Variants in MYPN observed in about 807,000 individuals in gnomAD.
MYPN encodes sarcomeric protein myopalladin, 145 kDa (MYOP).
In MYPN, 63 loss-of-function variants were observed where a neutral mutation model predicts 129.4. The ratio of observed to expected loss-of-function variants is 0.49; its 90% CI spans 0.40 to 0.60. MYPN has a LOEUF of 0.60. MYPN is among the 20% of genes least tolerant of loss of function. The pLI is 0.00. For missense variants in MYPN, 1,596 were observed against 1,635.4 expected, an observed-to-expected ratio of 0.98 and a Z score of 0.42; for synonymous variants, 629 against 600.9, an observed-to-expected ratio of 1.05 and a Z score of -0.68.
chr10:68,158,056 TTC>T (rs1346309531), intron 6 of MYPN: 1 of 176,924 alleles, frequency 5.7e-6, no homozygotes, highest in Non-Finnish European at 1.2e-5. Context: ...GCTCAGATGA[TTC>T]TGTCTTCAAA....
At chr10:68,096,278 T>A (rs1023633142) in intron 1 of MYPN, among the ~76,000 whole-genome samples, 5 of 152,226 alleles carry the variant, frequency 3.3e-5, no homozygotes. Flanking sequence ...TGTATGTCAG[T>A]TTTCTCATAT....
chr10:68,191,557 G>A (rs566705243), intron 13 of MYPN, among the ~76,000 whole-genome samples: 2 of 152,110 alleles, frequency 1.3e-5, no homozygotes, highest in African/African-American at 4.8e-5. Flanking sequence ...TTGTTGTTTT[G>A]ATAGGGATTG....
chr10:68,102,407 T>C (rs1261931426), upstream of MYPN, among the ~76,000 whole-genome samples: 4 of 152,192 alleles, frequency 2.6e-5, no homozygotes, highest in Non-Finnish European at 5.9e-5. Context: ...GGATTATGGC[T>C]GTGAGCCACT....
chr10:68,193,797 GCACACA>G (rs368376657), intron 13 of MYPN, among the ~76,000 whole-genome samples: 3,662 of 127,622 alleles, frequency 0.029, 100 homozygotes, highest in African/African-American at 0.075. Context: ...ATGTGTATGT[GCACACA>G]CACACACACA....
At chr10:68,162,273 T>G (rs1367476308) in intron 8 of MYPN, 1 of 151,774 alleles carries the variant, frequency 6.6e-6, no homozygotes, top group Non-Finnish European at 1.5e-5. Flanking sequence ...ATACCTCACA[T>G]GAATGCAGCT....
chr10:68,147,513 C>T (rs1407706805), intron 4 of MYPN, among the ~76,000 whole-genome samples: 1 of 152,154 alleles, frequency 6.6e-6, no homozygotes, highest in South Asian at 2.1e-4. Flanking sequence ...AGAGATATAA[C>T]ACCTAGACCA....
chr10:68,093,104 T>C (rs959401160), intron 1 of MYPN, among the ~76,000 whole-genome samples: 1 of 152,108 alleles, frequency 6.6e-6, no homozygotes, highest in Non-Finnish European at 1.5e-5. Flanking sequence ...CCATGAACCC[T>C]TGAGCTCAAG....
At position 68,194,389 on chromosome 10, in the gene MYPN, G is replaced by C; in HGVS notation, c.2952G>C (p.Gln984His). The change falls in exon 14 of 20, where the codon CAG becomes CAC. Residue 984 changes from glutamine (Q) to histidine (H), a missense_variant. Coordinates refer to ENST00000358913, the MANE Select transcript of MYPN (RefSeq NM_032578.4). ...TTTACTGGTTCAAAGATGGGAAGCA[G>C]ATTTCTAAGAGAAATGAGCACTGCA... Reference protein sequence around the residue: ...PKVYWFKDGKQISKRNEHCKM... With the variant: ...PKVYWFKDGKHISKRNEHCKM... 6.2e-7 allele frequency: 1 copy of C among 1,613,744 alleles called. No individual in the cohort carries two copies. The highest frequency in any genetic ancestry group is 1.3e-5 in the African/African-American group (1 of 75,026).
intron 19 of MYPN, among the ~76,000 whole-genome samples, chr10:68,209,671 C>CTTTTTTTTTTTTTTTTTTTTTTT (rs35392300): frequency 6.0e-4 from 79 of 131,168 alleles, no homozygotes; most frequent in East Asian, 1.6e-3. Context: ...GAATTCTTTT[C>CTTTTTTTTTTTTTTTTTTTTTTT]TTTTTTTTTT....
intron 1 of MYPN, among the ~76,000 whole-genome samples, chr10:68,091,535 C>A (rs2041931353): frequency 6.6e-6 from 1 of 151,266 alleles, no homozygotes; most frequent in South Asian, 2.1e-4. Flanking sequence ...GCTAGGGCTA[C>A]AGGTGCCTGC....
At chr10:68,173,844 T>G (rs1353269794) in intron 10 of MYPN, among the ~76,000 whole-genome samples, 1 of 87,072 alleles carries the variant, frequency 1.1e-5, no homozygotes, top group African/African-American at 3.0e-5. Context: ...TTTTTTTTTT[T>G]TTGTTAGAGA....
intron 2 of MYPN, among the ~76,000 whole-genome samples, chr10:68,126,889 A>G (rs1003338144): frequency 6.6e-6 from 1 of 152,236 alleles, no homozygotes; most frequent in Non-Finnish European, 1.5e-5. Flanking sequence ...TACCCTGGAC[A>G]CTGAGAAAAG....
intron 2 of MYPN, chr10:68,136,788 T>C (rs1405307648): frequency 6.7e-7 from 1 of 1,485,910 alleles, no homozygotes; most frequent in Non-Finnish European, 9.1e-7. Context: ...GTTTGTATAA[T>C]GGAAAGTATT....
chr10:68,193,783 A>G (rs895989596), intron 13 of MYPN, among the ~76,000 whole-genome samples: 3 of 142,364 alleles, frequency 2.1e-5, no homozygotes, highest in African/African-American at 7.8e-5. Flanking sequence ...AAATATATAG[A>G]TAGATGTGTA....
intron 1 of MYPN, among the ~76,000 whole-genome samples, chr10:68,088,267 C>A (rs893086447): frequency 6.6e-6 from 1 of 152,066 alleles, no homozygotes; most frequent in Non-Finnish European, 1.5e-5. Context: ...CTAGAAAAAT[C>A]TTTAAAGCCA....
intron 13 of MYPN, among the ~76,000 whole-genome samples, chr10:68,193,089 T>C (rs1368556117): frequency 6.6e-6 from 1 of 152,178 alleles, no homozygotes; most frequent in Non-Finnish European, 1.5e-5. Context: ...CTTGCTTTGT[T>C]CTTTGAGATG....
At chr10:68,149,923 A>G (rs532916308) in intron 5 of MYPN, 117 bp from the exon 6 acceptor site, 18 of 858,610 alleles carry the variant, frequency 2.1e-5, no homozygotes, top group South Asian at 2.0e-4. Flanking sequence ...CTTAGAATAC[A>G]TCAGTTTTTT....
intron 12 of MYPN, among the ~76,000 whole-genome samples, chr10:68,180,066 T>C (rs986199358): frequency 6.6e-6 from 1 of 152,232 alleles, no homozygotes; most frequent in Middle Eastern, 3.2e-3. Context: ...TCTATCACAG[T>C]GTTTAGCACA....
intron 1 of MYPN, among the ~76,000 whole-genome samples, chr10:68,093,467 G>C (rs75578833): frequency 0.076 from 11,595 of 151,672 alleles, 1,146 homozygotes; most frequent in African/African-American, 0.23. Flanking sequence ...GGCCGAGCGT[G>C]GTGGCTCATG....
Sources: allele counts gnomAD v4.1 joint callset (sites outside exome capture counted in the v4.1 genomes callset), GRCh38; gene constraint gnomAD v4.1.1; transcripts MANE v1.5; gene names NCBI Gene and HGNC (gene_info 2026-07-23, HGNC 2026-07-21).